Variants in ZNF608 observed in about 807,000 individuals in gnomAD.
ZNF608 encodes the protein renal carcinoma antigen NY-REN-36.
A neutral mutation model predicts 109.0 loss-of-function variants in ZNF608; 12 were observed. That is an observed-to-expected ratio of 0.11 (90% CI 0.07 to 0.18). The LOEUF is 0.18. ZNF608 is among the 10% of genes least tolerant of loss of function. ZNF608 has a pLI of 1.00. For synonymous variants in ZNF608, 732 were observed against 717.4 expected (o/e 1.02, Z -0.33); for missense variants, 1,707 against 1,879.3 (o/e 0.91, Z 1.70).
At chr5:124,723,256 G>A (rs767525338) in intron 2 of ZNF608, among the ~76,000 whole-genome samples, 4 of 152,120 alleles carry the variant, frequency 2.6e-5, no homozygotes, top group Non-Finnish European at 5.9e-5. Context: ...TGATTCACCC[G>A]CCTCTGCCTC....
chr5:124,638,938 G>A (rs1179797858), intron 9 of ZNF608, 195 bp downstream of exon 9: 2 of 803,416 alleles, frequency 2.5e-6, no homozygotes, highest in East Asian at 5.8e-5. Context: ...ACTAATCTAT[G>A]TAACCCTTAC....
intron 1 of ZNF608, 117 bp from the exon 2 acceptor site, chr5:124,745,289 C>T (rs1749599858): frequency 2.2e-6 from 2 of 895,796 alleles, no homozygotes; most frequent in South Asian, 3.9e-5. Context: ...TAAGGTGGCT[C>T]ATGTATTGTC....
intron 3 of ZNF608, among the ~76,000 whole-genome samples, chr5:124,677,761 T>G (rs987036902): frequency 6.6e-6 from 1 of 152,150 alleles, no homozygotes; most frequent in Non-Finnish European, 1.5e-5. Flanking sequence ...CAGAACAGCT[T>G]ATTATGATCA....
At chr5:124,734,482 G>A (rs1749053347) in intron 2 of ZNF608, 1 of 152,192 alleles carries the variant, frequency 6.6e-6, no homozygotes, top group Admixed American at 6.5e-5. Context: ...CCACCCCGAA[G>A]CCCAGAACTA....
At chr5:124,737,269 C>T (rs943430780) in intron 2 of ZNF608, among the ~76,000 whole-genome samples, 1 of 152,128 alleles carries the variant, frequency 6.6e-6, no homozygotes, top group Non-Finnish European at 1.5e-5. Context: ...TTGGAATATG[C>T]CTAAATGTCC....
chr5:124,733,033 GAA>G (rs540529278), intron 2 of ZNF608, among the ~76,000 whole-genome samples: 1 of 139,496 alleles, frequency 7.2e-6, no homozygotes. Flanking sequence ...CCTTCTTTGT[GAA>G]AAAAAAAAAG....
At chr5:124,668,883 G>T (rs1435139993) in intron 3 of ZNF608, among the ~76,000 whole-genome samples, 1 of 152,134 alleles carries the variant, frequency 6.6e-6, no homozygotes, top group African/African-American at 2.4e-5. Flanking sequence ...CCTTCAGTTG[G>T]TGACACAGGA....
At chr5:124,649,906 G>T (rs892788440) in intron 3 of ZNF608, among the ~76,000 whole-genome samples, 1 of 152,188 alleles carries the variant, frequency 6.6e-6, no homozygotes, top group East Asian at 1.9e-4. Context: ...ATTCGTGCGC[G>T]TGCGCATGTG....
chr5:124,669,976 G>A (rs1474841927), intron 3 of ZNF608, among the ~76,000 whole-genome samples: 1 of 152,188 alleles, frequency 6.6e-6, no homozygotes, highest in African/African-American at 2.4e-5. Context: ...TTGGGGACTG[G>A]GTTGCAGGTG....
At chr5:124,656,971 T>C (rs1205343362) in intron 3 of ZNF608, among the ~76,000 whole-genome samples, 2 of 152,208 alleles carry the variant, frequency 1.3e-5, no homozygotes, top group African/African-American at 4.8e-5. Flanking sequence ...TGAGCTGTAT[T>C]GATTTGGGAA....
intron 2 of ZNF608, among the ~76,000 whole-genome samples, chr5:124,723,883 C>T (rs185981902): frequency 2.0e-4 from 31 of 151,778 alleles, no homozygotes; most frequent in African/African-American, 6.8e-4. Context: ...TAAGAAATGG[C>T]CAACAACTCA....
intron 3 of ZNF608, among the ~76,000 whole-genome samples, chr5:124,677,619 A>G (rs1362137463): frequency 6.6e-6 from 1 of 152,066 alleles, no homozygotes; most frequent in African/African-American, 2.4e-5. Context: ...CAGCCAACCC[A>G]ACTATTTCAG....
rs898648478 is a variant in ZNF608, at chr5:124,647,382, T to C, written c.3002A>G (p.Asp1001Gly). ...ESHSPYYHSY[D>G]PYYSPSYMHP... ...CATGTAACTTGGAGAATAATAAGGA[T>C]CATAGCTGTGGTAATAGGGAGAATG... The change falls in exon 5 of 10, where the codon GAT (aspartate) becomes GGT (glycine). Residue 1001 changes from aspartate (D) to glycine (G), a missense_variant. By Grantham distance (94) the Asp-to-Gly change is moderately conservative. Around this residue, in one of 7 missense-constraint regions of ZNF608, gnomAD observed 1,073 missense variants for 1,133.5 expected, o/e 0.95. Coordinates refer to ENST00000513986, the MANE Select transcript of ZNF608 (RefSeq NM_020747.3). 2 of 1,614,078 alleles carry C rather than the reference T, an allele frequency of 1.2e-6. No homozygotes were observed. Among genetic ancestry groups the C allele is most frequent in the East Asian group, 2.2e-5 (1 of 44,902 alleles).
At chr5:124,702,178 T>G (rs575727866) in intron 2 of ZNF608, among the ~76,000 whole-genome samples, 103 of 152,314 alleles carry the variant, frequency 6.8e-4, no homozygotes, top group Non-Finnish European at 1.0e-3. Flanking sequence ...AACAGTACAT[T>G]CATTTGGCCC....
At chr5:124,659,866 T>C (rs767836712) in intron 3 of ZNF608, among the ~76,000 whole-genome samples, 5 of 152,220 alleles carry the variant, frequency 3.3e-5, no homozygotes, top group African/African-American at 7.2e-5. Flanking sequence ...CTCACTGGGA[T>C]TGAAGAGCCA....
At chr5:124,640,880 A>G (rs942731241) in intron 8 of ZNF608, among the ~76,000 whole-genome samples, 1 of 152,208 alleles carries the variant, frequency 6.6e-6, no homozygotes, top group Non-Finnish European at 1.5e-5. Context: ...CAGAAATCAG[A>G]ACAAGTAATT....
intron 3 of ZNF608, among the ~76,000 whole-genome samples, chr5:124,670,783 G>A (rs1751682701): frequency 6.6e-6 from 1 of 152,180 alleles, no homozygotes; most frequent in Non-Finnish European, 1.5e-5. Flanking sequence ...GAGGTCTTCA[G>A]AAATAACAAT....
chr5:124,645,141 T>C (rs149367906), intron 5 of ZNF608, among the ~76,000 whole-genome samples: 1 of 152,324 alleles, frequency 6.6e-6, no homozygotes, highest in East Asian at 1.9e-4. Context: ...GCTATTAACA[T>C]CACTTAGGAG....
intron 2 of ZNF608, among the ~76,000 whole-genome samples, chr5:124,738,170 C>G (rs988866157): frequency 6.6e-6 from 1 of 152,188 alleles, no homozygotes; most frequent in Non-Finnish European, 1.5e-5. Context: ...TAATGACAGT[C>G]TAAGTCATCA....
Sources: gnomAD v4.1 joint callset for allele counts (sites outside exome capture counted in the v4.1 genomes callset) on GRCh38, gnomAD v4.1.1 for gene constraint, gnomAD v4.1.1 regional missense constraint, MANE v1.5 for transcripts, NCBI Gene and HGNC (gene_info 2026-07-23, HGNC 2026-07-21) for gene names.